The following TTC28 variants were observed in gnomAD, a reference collection of about 807,000 sequenced individuals.
TTC28 encodes the protein tetratricopeptide repeat protein 28.
A neutral mutation model predicts 198.0 loss-of-function variants in TTC28; 61 were observed. That is an observed-to-expected ratio of 0.31 (90% confidence interval 0.25 to 0.38). The LOEUF is 0.38. TTC28 is among the 10% of genes least tolerant of loss of function. The pLI is 1.00. For missense variants in TTC28, 2,678 were observed against 3,164.0 expected (o/e 0.85, Z 3.69); for synonymous variants, 1,171 against 1,297.8 (o/e 0.90, Z 2.10).
chr22:28,570,714 T>C, intron 2 of TTC28, among the ~76,000 whole-genome samples: 1 of 152,188 alleles, frequency 6.6e-6, no homozygotes, highest in East Asian at 1.9e-4. Flanking sequence ...AAAAAAACTT[T>C]TAATGGTTAA....
chr22:28,094,291 G>T (rs1410384975), intron 11 of TTC28, 46 bp from the exon 12 acceptor site: 1 of 1,465,762 alleles, frequency 6.8e-7, no homozygotes, highest in East Asian at 2.5e-5. Flanking sequence ...ATTAGGGTCA[G>T]AGAAAGGAGA....
chr22:28,522,450 T>G (rs547449373), intron 2 of TTC28, among the ~76,000 whole-genome samples: 1 of 149,692 alleles, frequency 6.7e-6, no homozygotes, highest in South Asian at 2.1e-4. Flanking sequence ...ATCGTGCCAT[T>G]GCACTCCAGC....
chr22:28,085,359 A>G (rs1267401975), intron 12 of TTC28, among the ~76,000 whole-genome samples: 1 of 152,198 alleles, frequency 6.6e-6, no homozygotes, highest in African/African-American at 2.4e-5. Context: ...CCAATATTCA[A>G]CATTCTTAAA....
In TTC28 at chr22:28,108,048, G is replaced by A; in HGVS notation, c.1797C>T (p.Asn599=). The change falls in exon 7 of 23, where the codon AAC becomes AAT. Residue 599 remains asparagine (N), a synonymous_variant. Transcript: ENST00000397906. The part of the protein sequence containing the change: ...DIQSEARALS[N]LGNFHCSRGE... The stretch of plus-strand genomic sequence containing the variant: ...CCCGAGAGCAGTGGAAATTGCCCAG[G>A]TTGCTGAGGGCCCGGGCCTCGCTCT... 1 of 1,551,654 alleles carries A rather than the reference G, an allele frequency of 6.4e-7. No homozygotes were observed. The highest frequency in any genetic ancestry group is 1.2e-5 in the South Asian group (1 of 84,046).
In TTC28 at chr22:28,001,517, G is replaced by A. The variant is rs61744141; in HGVS notation, c.4255C>T (p.Arg1419Trp). 4.7e-4 allele frequency: 723 copies of A among 1,551,362 alleles called. No homozygotes were observed. In the African/African-American group the frequency reaches 5.9e-3, roughly 13 times the overall value. The part of the protein sequence containing the change: ...MHSSGPVGRH[R>W]QLILVLEGEL... ...CCCTCCAGAACCAGGATGAGCTGCCGGTGCCGGCCCACGGGGCCGCTGGAG... is the reference window on the plus strand; with the variant it reads ...CCCTCCAGAACCAGGATGAGCTGCCAGTGCCGGCCCACGGGGCCGCTGGAG... The change falls in exon 15 of 23, where the codon CGG becomes TGG. Residue 1419 changes from arginine to tryptophan, a missense_variant. Transcript: ENST00000397906.
chr22:28,112,973 G>A (rs1422893411), intron 6 of TTC28, among the ~76,000 whole-genome samples: 1 of 152,192 alleles, frequency 6.6e-6, no homozygotes, highest in Non-Finnish European at 1.5e-5. Context: ...TCACTGCCAT[G>A]GGAATAATAA....
At position 28,528,737 on chromosome 22, in the gene TTC28, T is replaced by TAA. The variant is rs5844812; in HGVS notation, c.381+100813_381+100814dup. On this transcript the variant is annotated intron_variant, in intron 2 of 22. Coordinates refer to ENST00000397906, the MANE Select transcript of TTC28 (RefSeq NM_001145418.2). ...GGCAACAGAGCAAGACCCTGTCTCA[T>TAA]AAAAAAAAAAAAAAAAAAAGGAAAA... Among the ~76,000 whole-genome samples the TAA allele has an allele frequency of 6.0e-3, 538 of 89,860 alleles. 6 individuals carry two copies. The highest frequency in any genetic ancestry group is 0.022 in the Middle Eastern group (4 of 178). The allele number at this position is 89,860 out of a possible 152,430, so 59.0% of individuals were successfully genotyped here.
chr22:28,420,061 T>C (rs923855046), intron 2 of TTC28, among the ~76,000 whole-genome samples: 3 of 152,236 alleles, frequency 2.0e-5, no homozygotes, highest in Admixed American at 1.3e-4. Flanking sequence ...TTTTGATTGC[T>C]TGGCAGCTGC....
chr22:28,632,155 CCT>C (rs1345241959), intron 1 of TTC28, among the ~76,000 whole-genome samples: 1 of 151,302 alleles, frequency 6.6e-6, no homozygotes, highest in Non-Finnish European at 1.5e-5. Context: ...GACTGTTCTT[CCT>C]CTGTTCACAC....
At chr22:28,101,386 G>A (rs891709716) in intron 8 of TTC28, 106 bp from the exon 9 acceptor site, 15 of 974,082 alleles carry the variant, frequency 1.5e-5, no homozygotes, top group Non-Finnish European at 2.3e-5. Context: ...TTTGTTTTGA[G>A]ACAGGGTCTC....
chr22:28,099,137 C>A, intron 9 of TTC28, 93 bp from the exon 10 acceptor site: 2 of 1,466,040 alleles, frequency 1.4e-6, no homozygotes, highest in Non-Finnish European at 1.8e-6. Flanking sequence ...TATCTTTGTG[C>A]ACAACCTAAA....
At chr22:28,357,252 C>T (rs1326275225) in intron 2 of TTC28, among the ~76,000 whole-genome samples, 1 of 151,836 alleles carries the variant, frequency 6.6e-6, no homozygotes, top group Admixed American at 6.6e-5. Context: ...AGTATAGTGA[C>T]CATTTCTCTA....
chr22:28,417,915 T>G (rs1167077885), intron 2 of TTC28, among the ~76,000 whole-genome samples: 1 of 152,202 alleles, frequency 6.6e-6, no homozygotes, highest in Middle Eastern at 3.2e-3. Flanking sequence ...AACAGTACAC[T>G]ACTCTTTGGT....
chr22:28,359,740 C>A (rs1194613379), intron 2 of TTC28, among the ~76,000 whole-genome samples: 1 of 152,126 alleles, frequency 6.6e-6, no homozygotes, highest in Non-Finnish European at 1.5e-5. Context: ...GTTTATAGAT[C>A]ACAATAGGCT....
chr22:28,619,284 C>T (rs144549323), intron 2 of TTC28, among the ~76,000 whole-genome samples: 1 of 152,250 alleles, frequency 6.6e-6, no homozygotes, highest in Non-Finnish European at 1.5e-5. Flanking sequence ...ATCCTCACTA[C>T]AACACTTCAA....
intron 2 of TTC28, among the ~76,000 whole-genome samples, chr22:28,538,556 C>CTTTTTTTTT (rs753754141): frequency 2.7e-5 from 3 of 109,522 alleles, no homozygotes; most frequent in African/African-American, 1.0e-4. Context: ...GCACCTTTCT[C>CTTTTTTTTT]TTTTTTTTTT....
chr22:28,529,999 TCTC>T (rs2049096739), intron 2 of TTC28, among the ~76,000 whole-genome samples: 1 of 152,082 alleles, frequency 6.6e-6, no homozygotes, highest in Non-Finnish European at 1.5e-5. Flanking sequence ...GAGCACCTCT[TCTC>T]CTCCAAAGGA....
chr22:28,643,547 T>A (rs764401672), intron 1 of TTC28, among the ~76,000 whole-genome samples: 2 of 152,210 alleles, frequency 1.3e-5, no homozygotes, highest in Non-Finnish European at 2.9e-5. Context: ...TGAAAAGGTA[T>A]TCCATGGTCA....
rs530194695 is a variant in TTC28 at position 27,978,615 on chromosome 22, C to T, written c.*3606G>A. On this transcript the variant is annotated 3_prime_UTR_variant, in exon 23 of 23. Transcript: ENST00000397906. ...GTGACACCTTTGTCTCCTGCTAAAA[C>T]CCAGCAAGTTTCAGTGTGGACCGTG... The T allele has an allele frequency of 2.6e-5, 4 of 152,316 alleles. No individual in the cohort carries two copies. In the East Asian group the frequency reaches 7.7e-4, roughly 29 times the overall value. The allele number at this position is 152,316 out of a possible 1,614,324, so 9.4% of individuals were successfully genotyped here.
Sources: allele counts gnomAD v4.1 joint callset (sites outside exome capture counted in the v4.1 genomes callset), GRCh38; gene constraint gnomAD v4.1.1; transcripts MANE v1.5; gene names NCBI Gene and HGNC (gene_info 2026-07-23, HGNC 2026-07-21).